The following BZW1 variants were observed in gnomAD, a reference collection of about 807,000 sequenced individuals.
BZW1 encodes eIF5-mimic protein 2.
Under a neutral mutation model 54.1 loss-of-function variants are expected in BZW1, and 3 were observed. The observed-to-expected ratio is 0.06, with a 90% CI of 0.03 to 0.14. The LOEUF (loss-of-function observed/expected upper bound fraction) is 0.14. Among genes scored for constraint, BZW1 ranks in the 10% least tolerant of loss-of-function variants. The pLI is 1.00. For synonymous variants in BZW1, 152 were observed against 162.7 expected, an observed-to-expected ratio of 0.93 and a Z score of 0.50; for missense variants, 206 against 491.7, an observed-to-expected ratio of 0.42 and a Z score of 5.50.
At chr2:200,821,581 T>A (rs1282067689) in intron 11 of BZW1, among the ~76,000 whole-genome samples, 1 of 151,982 alleles carries the variant, frequency 6.6e-6, no homozygotes, top group South Asian at 2.1e-4. Flanking sequence ...ATTAAAAATA[T>A]AGAGACAGAG....
rs1397867537 is a variant in BZW1, at chr2:200,824,859, A to G, written c.*2681A>G. On this transcript the variant is annotated 3_prime_UTR_variant, in exon 12 of 12. Transcript: ENST00000409600. ...ACTAATTTTTTTGTATTTTTAGTAG[A>G]GACGAGGTTTCACCGGATTAGCGAG... The G allele has an allele frequency of 6.6e-6, 1 of 151,610 alleles. No homozygotes were observed. The highest frequency in any genetic ancestry group is 6.6e-5 in the Admixed American group (1 of 15,228). 9.4% of individuals were successfully genotyped at this position (151,610 alleles called of 1,614,324 possible).
At chr2:200,819,404 A>T (rs527429889) in intron 9 of BZW1, among the ~76,000 whole-genome samples, 5 of 152,224 alleles carry the variant, frequency 3.3e-5, no homozygotes, top group African/African-American at 9.6e-5. Flanking sequence ...AAAGAACATG[A>T]TGAAAAGGAA....
At chr2:200,813,432 A>G in intron 2 of BZW1, 151 bp downstream of exon 2, 1 of 643,044 alleles carries the variant, frequency 1.6e-6, no homozygotes, top group South Asian at 2.0e-5. Flanking sequence ...TTTCACATAC[A>G]CCTTTAATAT....
intron 6 of BZW1, 78 bp downstream of exon 6, chr2:200,817,319 G>A (rs1559311942): frequency 1.3e-6 from 2 of 1,495,276 alleles, no homozygotes; most frequent in Non-Finnish European, 1.8e-6. Context: ...TCATAGATGT[G>A]ACTTCTGTGA....
chr2:200,815,218 A>G (rs1575050258), intron 2 of BZW1, 123 bp from the exon 3 acceptor site: 2 of 1,030,874 alleles, frequency 1.9e-6, no homozygotes, highest in Non-Finnish European at 1.4e-6. Flanking sequence ...GCAGAGGGGA[A>G]ACATGCAAAG....
At position 200,821,407 on chromosome 2, in the gene BZW1, C is replaced by G. The variant is rs2038504751; in HGVS notation, c.1228+102C>G. On this transcript the variant is annotated intron_variant, in intron 11 of 11. Coordinates refer to ENST00000409600, the MANE Select transcript of BZW1 (RefSeq NM_001207067.2). ...CCTTCTTTCTGATGCCATTTTGTACCTGGAGTAGAGATTTTTGTTATAAGG... is the reference window on the plus strand; with the variant it reads ...CCTTCTTTCTGATGCCATTTTGTACGTGGAGTAGAGATTTTTGTTATAAGG... 4 of 1,404,576 alleles carry G rather than the reference C, an allele frequency of 2.8e-6. No individual in the cohort carries two copies. The South Asian group carries it at 5.6e-5, about 20-fold the overall frequency. The allele number at this position is 1,404,576 out of a possible 1,614,324, so 87.0% of individuals were successfully genotyped here. A position where few individuals can be genotyped will look rare whatever the true frequency, so the allele number is the denominator to read the frequency against.
intron 1 of BZW1, chr2:200,812,521 T>C (rs1454769023): frequency 1.6e-5 from 22 of 1,389,846 alleles, no homozygotes; most frequent in Non-Finnish European, 2.0e-5. Context: ...CGCGGGACCC[T>C]ACGGCGCCCC....
intron 11 of BZW1, among the ~76,000 whole-genome samples, chr2:200,821,679 G>A (rs1377288520): frequency 1.3e-5 from 2 of 152,076 alleles, no homozygotes; most frequent in African/African-American, 2.4e-5. Flanking sequence ...GATTGCAGAT[G>A]TGATTGCACC....
At chr2:200,812,608 G>C in intron 1 of BZW1, 1 of 1,361,418 alleles carries the variant, frequency 7.3e-7, no homozygotes, top group Non-Finnish European at 9.7e-7. Flanking sequence ...GGTGTGGATT[G>C]GGAGACACGT....
chr2:200,816,383 TA>T lies in BZW1; in HGVS notation c.401del (p.Lys134SerfsTer6), dbSNP rs1559311293. The T allele has an allele frequency of 1.9e-6, 3 of 1,581,392 alleles. No homozygotes were observed. Among genetic ancestry groups the T allele is most frequent in the Non-Finnish European group, 2.6e-6 (3 of 1,156,138 alleles). On this transcript the variant is annotated frameshift_variant, in exon 5 of 12. Coordinates refer to ENST00000409600, the MANE Select transcript of BZW1 (RefSeq NM_001207067.2). LOFTEE classifies it high-confidence loss of function. ...KYLEKGFEDEVKKLLLFLKGF... is the reference protein window; with the variant it reads ...KYLEKGFEDEXKKLLLFLKGF... ...CTGGAGAAAGGTTTTGAAGATGAAG[TA>T]AAAAAGGTATGAGTAATAATGTACT...
Position 200,823,265 on chromosome 2 carries a change from C to T in BZW1, c.*1087C>T, listed in dbSNP as rs2038585930. On this transcript the variant is annotated 3_prime_UTR_variant, in exon 12 of 12. Coordinates refer to ENST00000409600, the MANE Select transcript of BZW1 (RefSeq NM_001207067.2). ...ACTGGCTTCGTTCTCTTAATATACTCAGTAATGACTCAAGCCTCTGGCTAT... is the reference window on the plus strand; with the variant it reads ...ACTGGCTTCGTTCTCTTAATATACTTAGTAATGACTCAAGCCTCTGGCTAT... The T allele has an allele frequency of 6.0e-6, 1 of 165,630 alleles. No individual in the cohort carries two copies. Among genetic ancestry groups the T allele is most frequent in the Non-Finnish European group, 1.5e-5 (1 of 68,114 alleles). 10.3% of individuals were successfully genotyped at this position (165,630 alleles called of 1,614,324 possible).
At chr2:200,820,975 A>G (rs1450485611) in intron 10 of BZW1, among the ~76,000 whole-genome samples, 2 of 152,230 alleles carry the variant, frequency 1.3e-5, no homozygotes, top group Non-Finnish European at 2.9e-5. Context: ...TGGTCATAAC[A>G]CTTTGAAATT....
At position 200,813,267 on chromosome 2, in the gene BZW1, A is replaced by G. The variant is rs1251721401; in HGVS notation, c.50A>G (p.Lys17Arg). The G allele has an allele frequency of 6.2e-7, 1 of 1,613,168 alleles. No individual in the cohort carries two copies. The highest frequency in any genetic ancestry group is 1.1e-5 in the South Asian group (1 of 91,030). Reference sequence around the variant, plus strand: ...CCAACGCTATCAGGCCAGCGTTTTAAAACTAGAAAAAGAGGTAAATATTTA... The same window carrying G: ...CCAACGCTATCAGGCCAGCGTTTTAGAACTAGAAAAAGAGGTAAATATTTA... The part of the protein sequence containing the change: ...QKPTLSGQRF[K>R]TRKRDEKERF... Residue 17 changes from lysine to arginine, a missense_variant, in exon 2 of 12, where the codon AAA becomes AGA. Lys to Arg is a conservative substitution (Grantham distance 26). Coordinates refer to ENST00000409600, the MANE Select transcript of BZW1 (RefSeq NM_001207067.2).
rs764858164 is a variant in BZW1, at chr2:200,817,093, TTA to T, written c.403-12_403-11del. On this transcript the variant is annotated splice_polypyrimidine_tract_variant and intron_variant, in intron 5 of 11. Coordinates refer to ENST00000409600, the MANE Select transcript of BZW1 (RefSeq NM_001207067.2). The stretch of plus-strand genomic sequence containing the variant: ...GTTGCTGTTTTAACCCTTAATTGTT[TTA>T]CTTTTTACAGCTGCTGCTGTTCTTG... 18 of 1,612,740 alleles carry T rather than the reference TTA, an allele frequency of 1.1e-5. No homozygotes were observed. The highest frequency in any genetic ancestry group is 1.5e-5 in the Non-Finnish European group (18 of 1,179,484).
chr2:200,813,135 C>T (rs1023134781), intron 1 of BZW1, 73 bp from the exon 2 acceptor site: 5 of 1,290,056 alleles, frequency 3.9e-6, no homozygotes, highest in Non-Finnish European at 5.5e-6. Context: ...TGTGACTAGA[C>T]TAAGGTTTGA....
chr2:200,818,648 T>G (rs1013650227), intron 8 of BZW1, 107 bp from the exon 9 acceptor site: 2 of 1,287,958 alleles, frequency 1.6e-6, no homozygotes, highest in African/African-American at 3.0e-5. Context: ...GGTTGCCAGT[T>G]GCATGGAAAA....
At position 200,815,403 on chromosome 2, in the gene BZW1, A is replaced by G. The variant is rs746778000; in HGVS notation, c.127A>G (p.Thr43Ala). 5 of 1,614,022 alleles carry G rather than the reference A, an allele frequency of 3.1e-6. No homozygotes were observed. The Admixed American group carries it at 8.3e-5, about 27-fold the overall frequency. Residue 43 changes from threonine (T) to alanine (A), a missense_variant, in exon 3 of 12, where the codon ACC (threonine) becomes GCC (alanine). Thr to Ala is a moderately conservative substitution (Grantham distance 58, BLOSUM62 0). This residue lies in a region of BZW1 where 26 missense variants were observed against 26.9 expected (regional missense o/e 0.97). Coordinates refer to ENST00000409600, the MANE Select transcript of BZW1 (RefSeq NM_001207067.2). ...CTGTATTATTCAAGGCTTAACTGAA[A>G]CCGGTACTGATTTGGAAGCAGTAGC... Reference protein sequence around the residue: ...QDCIIQGLTETGTDLEAVAKF... With the variant: ...QDCIIQGLTEAGTDLEAVAKF...
chr2:200,816,036 A>G (rs1051200816), intron 4 of BZW1, among the ~76,000 whole-genome samples: 1 of 152,178 alleles, frequency 6.6e-6, no homozygotes, highest in Non-Finnish European at 1.5e-5. Context: ...TCAGTTTCGT[A>G]TTGTGATTTC....
intron 1 of BZW1, 87 bp downstream of exon 1, chr2:200,812,077 C>G: frequency 2.0e-6 from 1 of 511,634 alleles, no homozygotes; most frequent in Non-Finnish European, 3.0e-6. Context: ...GGGCTGGATG[C>G]GGCCCGGCTT....
Sources: gnomAD v4.1 joint callset for allele counts (sites outside exome capture counted in the v4.1 genomes callset) on GRCh38, gnomAD v4.1.1 for gene constraint, gnomAD v4.1.1 regional missense constraint, MANE v1.5 for transcripts, NCBI Gene and HGNC (gene_info 2026-07-23, HGNC 2026-07-21) for gene names.